DNMBP: variants seen among roughly 807,000 people sequenced by gnomAD.
The protein encoded by DNMBP is dynamin binding protein.
In DNMBP, 87 loss-of-function variants were observed where a neutral mutation model predicts 150.0. That is an observed-to-expected ratio of 0.58 (90% CI 0.49 to 0.69). The LOEUF (loss-of-function observed/expected upper bound fraction) is 0.69. Ranked by LOEUF, DNMBP falls within the 30% of genes least tolerant of loss-of-function variation. The probability of loss-of-function intolerance (pLI) is 0.00; values close to 1 mark genes in which losing one functional copy is unlikely to be tolerated. For missense variants in DNMBP, 1,774 were observed against 1,949.0 expected, an observed-to-expected ratio of 0.91 and a Z score of 1.69; for synonymous variants, 711 against 750.4, an observed-to-expected ratio of 0.95 and a Z score of 0.86.
chr10:99,879,930 A>G lies in DNMBP; in HGVS notation c.4429T>C (p.Tyr1477His). 1 of 1,614,216 alleles carries G rather than the reference A, an allele frequency of 6.2e-7. No individual in the cohort carries two copies. Residue 1477 changes from tyrosine to histidine, a missense_variant, in exon 16 of 17, where the codon TAC (tyrosine) becomes CAC (histidine). This residue lies in a region of DNMBP where 1,430 missense variants were observed against 1,492.5 expected (regional missense o/e 0.96). Coordinates refer to ENST00000324109, the MANE Select transcript of DNMBP (RefSeq NM_015221.4). ...RNFRHPEIVGYSVPGRNGQSQ... is the reference protein window; with the variant it reads ...RNFRHPEIVGHSVPGRNGQSQ... Reference sequence around the variant, plus strand: ...TGCCCATTTCGTCCTGGTACGGAGTAGCCAACTATTTCTGGATGCCTGAAG... The same window carrying G: ...TGCCCATTTCGTCCTGGTACGGAGTGGCCAACTATTTCTGGATGCCTGAAG...
chr10:99,943,025 G>A (rs1431434447), intron 4 of DNMBP, among the ~76,000 whole-genome samples: 3 of 152,166 alleles, frequency 2.0e-5, no homozygotes, highest in South Asian at 2.1e-4. Flanking sequence ...GCTTACACCT[G>A]TAATCCCAGC....
chr10:99,901,388 C>T (rs1255643829), intron 6 of DNMBP, among the ~76,000 whole-genome samples: 1 of 152,194 alleles, frequency 6.6e-6, no homozygotes, highest in African/African-American at 2.4e-5. Flanking sequence ...CCTAATCTGA[C>T]AGAAACATGT....
At chr10:99,965,070 C>A (rs970261567) in intron 3 of DNMBP, among the ~76,000 whole-genome samples, 1 of 151,844 alleles carries the variant, frequency 6.6e-6, no homozygotes, top group Non-Finnish European at 1.5e-5. Context: ...AACAAGATAC[C>A]CAAAGCACAT....
At chr10:99,976,267 A>C (rs60443934) in intron 1 of DNMBP, among the ~76,000 whole-genome samples, 1 of 152,226 alleles carries the variant, frequency 6.6e-6, no homozygotes, top group African/African-American at 2.4e-5. Flanking sequence ...CCATTTCAAC[A>C]TGTCAAAACC....
At chr10:99,896,150 TA>T in intron 10 of DNMBP, 116 bp downstream of exon 10, 2 of 1,242,788 alleles carry the variant, frequency 1.6e-6, no homozygotes, top group Non-Finnish European at 2.2e-6. Flanking sequence ...CACCAGCTCG[TA>T]AAACCGGAGG....
At chr10:99,936,882 T>C (rs2040238921) in intron 4 of DNMBP, among the ~76,000 whole-genome samples, 1 of 151,914 alleles carries the variant, frequency 6.6e-6, no homozygotes, top group African/African-American at 2.4e-5. Flanking sequence ...AATGAAACTC[T>C]AGATTGTCAA....
intron 7 of DNMBP, 82 bp downstream of exon 7, chr10:99,899,834 GTCA>G (rs753100901): frequency 1.6e-4 from 226 of 1,374,518 alleles, no homozygotes; most frequent in Non-Finnish European, 2.2e-4. Context: ...AAAATAAGAT[GTCA>G]TCATCAAGTC....
chr10:99,969,069 C>A, intron 3 of DNMBP, 46 bp downstream of exon 3: 1 of 1,606,286 alleles, frequency 6.2e-7, no homozygotes, highest in South Asian at 1.1e-5. Flanking sequence ...CGGGCAGACT[C>A]CAAAAATCTA....
At chr10:99,995,872 T>C (rs1449580556) in intron 1 of DNMBP, among the ~76,000 whole-genome samples, 1 of 152,266 alleles carries the variant, frequency 6.6e-6, no homozygotes, top group African/African-American at 2.4e-5. Flanking sequence ...GTCACCCAGG[T>C]GCTGCCACGT....
intron 11 of DNMBP, among the ~76,000 whole-genome samples, chr10:99,889,857 T>C (rs1453014354): frequency 1.3e-5 from 2 of 152,080 alleles, no homozygotes; most frequent in Non-Finnish European, 2.9e-5. Context: ...AAAAAGTAAA[T>C]TATCAAATTA....
intron 4 of DNMBP, among the ~76,000 whole-genome samples, chr10:99,920,578 C>T (rs192775249): frequency 6.6e-4 from 101 of 152,290 alleles, no homozygotes; most frequent in African/African-American, 2.3e-3. Context: ...CTCCCTCCTA[C>T]CTGTGTGACC....
intron 10 of DNMBP, 72 bp from the exon 11 acceptor site, chr10:99,895,122 C>CATT: frequency 2.0e-6 from 1 of 510,098 alleles, no homozygotes. Flanking sequence ...AAGTAGCTTG[C>CATT]TTTTTTTTTT....
intron 1 of DNMBP, among the ~76,000 whole-genome samples, chr10:99,987,662 G>A (rs1253182633): frequency 6.6e-6 from 1 of 152,028 alleles, no homozygotes; most frequent in Non-Finnish European, 1.5e-5. Flanking sequence ...GAACCCAGGG[G>A]AGGTGGAGGT....
chr10:99,961,267 C>CTTTTTTT (rs555063019), intron 3 of DNMBP, among the ~76,000 whole-genome samples: 191 of 84,728 alleles, frequency 2.3e-3, no homozygotes, highest in Non-Finnish European at 2.9e-3. Flanking sequence ...TTCCCTTTTT[C>CTTTTTTT]TTTTTTTTTT....
At chr10:99,891,969 G>A (rs868252808) in intron 11 of DNMBP, among the ~76,000 whole-genome samples, 2,313 of 144,124 alleles carry the variant, frequency 0.016, 23 homozygotes, top group Non-Finnish European at 0.026. Flanking sequence ...GGTGAGGGGC[G>A]CCTCTGCCCG....
intron 1 of DNMBP, among the ~76,000 whole-genome samples, chr10:100,000,961 G>A (rs1027458985): frequency 2.0e-5 from 3 of 150,528 alleles, no homozygotes; most frequent in South Asian, 2.1e-4. Flanking sequence ...AGCCGGGCAC[G>A]GTGGCTCACG....
At chr10:99,879,101 A>AAAAAAC (rs1554857510) in intron 16 of DNMBP, among the ~76,000 whole-genome samples, 2 of 135,164 alleles carry the variant, frequency 1.5e-5, no homozygotes, top group African/African-American at 3.2e-5. Flanking sequence ...AAAAAAAAAA[A>AAAAAAC]CCCAAAACGT....
At chr10:99,918,305 C>T (rs551374382) in intron 4 of DNMBP, among the ~76,000 whole-genome samples, 8 of 152,186 alleles carry the variant, frequency 5.3e-5, no homozygotes, top group African/African-American at 1.9e-4. Context: ...TCATAGCAGA[C>T]TTCCTGGATC....
intron 4 of DNMBP, among the ~76,000 whole-genome samples, chr10:99,919,141 A>C (rs2039996284): frequency 6.6e-6 from 1 of 152,234 alleles, no homozygotes; most frequent in African/African-American, 2.4e-5. Flanking sequence ...AAGAGGAATA[A>C]AATGACTTGT....
Sources: gnomAD v4.1 joint callset for allele counts (sites outside exome capture counted in the v4.1 genomes callset) on GRCh38, gnomAD v4.1.1 for gene constraint, gnomAD v4.1.1 regional missense constraint, MANE v1.5 for transcripts, NCBI Gene and HGNC (gene_info 2026-07-23, HGNC 2026-07-21) for gene names.